KLHL1: variants seen among roughly 807,000 people sequenced by gnomAD.
KLHL1 encodes the protein kelch-like protein 1.
A neutral mutation model predicts 77.7 loss-of-function variants in KLHL1; 47 were observed. The observed-to-expected ratio is 0.60, with a 90% confidence interval of 0.48 to 0.77. The LOEUF (loss-of-function observed/expected upper bound fraction) is 0.77. Among genes scored for constraint, KLHL1 ranks in the 30% least tolerant of loss-of-function variants. The probability of loss-of-function intolerance (pLI) is 0.00; values close to 1 mark genes in which losing one functional copy is unlikely to be tolerated. For synonymous variants in KLHL1, 360 were observed against 325.2 expected (o/e 1.11, Z -1.15); for missense variants, 925 against 910.8 (o/e 1.02, Z -0.20).
chr13:69,754,254 G>C (rs918269760), intron 7 of KLHL1, among the ~76,000 whole-genome samples: 1 of 152,088 alleles, frequency 6.6e-6, no homozygotes, highest in East Asian at 1.9e-4. Context: ...AACTCTCTGA[G>C]AGTTGTAGTA....
chr13:70,034,221 C>T (rs1194865752), intron 1 of KLHL1, among the ~76,000 whole-genome samples: 2 of 152,176 alleles, frequency 1.3e-5, no homozygotes, highest in Non-Finnish European at 2.9e-5. Context: ...GTTATTATTG[C>T]TATCTCATTG....
At chr13:69,986,341 A>G (rs1294848573) in intron 1 of KLHL1, among the ~76,000 whole-genome samples, 1 of 152,050 alleles carries the variant, frequency 6.6e-6, no homozygotes, top group African/African-American at 2.4e-5. Flanking sequence ...GAATGTTCTC[A>G]TCACAAAGAA....
chr13:70,080,237 G>T (rs1887361803), intron 1 of KLHL1, among the ~76,000 whole-genome samples: 1 of 152,154 alleles, frequency 6.6e-6, no homozygotes, highest in Non-Finnish European at 1.5e-5. Flanking sequence ...TGAGGAGCAT[G>T]CCAACGTGGC....
intron 5 of KLHL1, among the ~76,000 whole-genome samples, chr13:69,842,016 G>C (rs975329805): frequency 1.3e-5 from 2 of 151,760 alleles, no homozygotes; most frequent in Admixed American, 6.6e-5. Context: ...ACTCCTATCT[G>C]TCACCATATA....
intron 6 of KLHL1, among the ~76,000 whole-genome samples, chr13:69,819,183 A>G (rs1414759307): frequency 6.6e-6 from 1 of 152,212 alleles, no homozygotes; most frequent in East Asian, 1.9e-4. Context: ...TTGCCTTGCA[A>G]CAATACAGAT....
chr13:70,103,580 G>A (rs1440478362), intron 1 of KLHL1, among the ~76,000 whole-genome samples: 2 of 152,132 alleles, frequency 1.3e-5, no homozygotes, highest in Non-Finnish European at 2.9e-5. Flanking sequence ...AAAGAAGATC[G>A]TAGCTTAGAT....
At chr13:70,012,536 A>G (rs370706923) in intron 1 of KLHL1, among the ~76,000 whole-genome samples, 54 of 151,814 alleles carry the variant, frequency 3.6e-4, no homozygotes, top group African/African-American at 1.3e-3. Flanking sequence ...GGGGAGGGGG[A>G]CTTGAAGATG....
At chr13:70,049,424 G>A (rs1470181) in intron 1 of KLHL1, among the ~76,000 whole-genome samples, 101,395 of 151,992 alleles carry the variant, frequency 0.67, 34,253 homozygotes, top group East Asian at 0.79. Flanking sequence ...TCTCACATGT[G>A]CTACCTGACG....
At chr13:69,852,378 G>A (rs1156808148) in intron 5 of KLHL1, among the ~76,000 whole-genome samples, 1 of 151,874 alleles carries the variant, frequency 6.6e-6, no homozygotes, top group Non-Finnish European at 1.5e-5. Context: ...GAAATACCTT[G>A]ACACAAATCT....
At chr13:69,793,899 C>CT (rs1327402835) in intron 7 of KLHL1, among the ~76,000 whole-genome samples, 4 of 152,014 alleles carry the variant, frequency 2.6e-5, no homozygotes, top group Non-Finnish European at 1.5e-5. Flanking sequence ...TTGATATGTT[C>CT]TTTTTTTACT....
chr13:70,082,352 C>T (rs1887416093), intron 1 of KLHL1, among the ~76,000 whole-genome samples: 1 of 147,832 alleles, frequency 6.8e-6, no homozygotes, highest in Non-Finnish European at 1.5e-5. Context: ...CACACACACA[C>T]ACACACACAC....
rs773978661 is a variant in KLHL1 at position 69,839,155 on chromosome 13, G to A, written c.1235C>T (p.Ala412Val). The change falls in exon 6 of 11, where the codon GCT becomes GTT. Residue 412 changes from alanine (A) to valine (V), a missense_variant. Coordinates refer to ENST00000377844, the MANE Select transcript of KLHL1 (RefSeq NM_020866.3). ...AAATAATGCATGATTTTCTAGGTCA[G>A]CCAATATCTGTGAATAATACACAAT... ...RLPLLPPQIL[A>V]DLENHALFKN... 6.3e-7 allele frequency: 1 copy of A among 1,592,508 alleles called. No homozygotes were observed. The highest frequency in any genetic ancestry group is 8.6e-7 in the Non-Finnish European group (1 of 1,166,520).
chr13:69,925,756 T>A (rs1024577597), intron 4 of KLHL1, among the ~76,000 whole-genome samples: 2 of 152,216 alleles, frequency 1.3e-5, no homozygotes, highest in Non-Finnish European at 2.9e-5. Flanking sequence ...ACATTATTTT[T>A]TGTAGTGACT....
intron 5 of KLHL1, among the ~76,000 whole-genome samples, chr13:69,878,709 TATAG>T (rs1187060834): frequency 0.011 from 1,679 of 149,726 alleles, 8 homozygotes; most frequent in Middle Eastern, 0.031. Context: ...TATATATATA[TATAG>T]AGAGAGAGAG....
At chr13:69,878,106 A>T (rs926005032) in intron 5 of KLHL1, among the ~76,000 whole-genome samples, 1 of 152,148 alleles carries the variant, frequency 6.6e-6, no homozygotes, top group Non-Finnish European at 1.5e-5. Flanking sequence ...TTTGTTGATG[A>T]AGTCTCTTTC....
At chr13:69,970,617 G>C (rs1218159449) in intron 2 of KLHL1, among the ~76,000 whole-genome samples, 1 of 151,946 alleles carries the variant, frequency 6.6e-6, no homozygotes, top group Non-Finnish European at 1.5e-5. Flanking sequence ...TCCTTCAACT[G>C]CCACCACCTC....
rs149229232 is a variant in KLHL1, at chr13:70,010,693, C to A, written c.498-34891G>T. Among the ~76,000 whole-genome samples the A allele has an allele frequency of 3.6e-3, 542 of 151,954 alleles. 5 individuals carry two copies. Among genetic ancestry groups the A allele is most frequent in the African/African-American group, 0.013 (524 of 41,416 alleles). ...ATCACCTGAGGTCAGGAGTTTGAGA[C>A]CAGCCTGGCCAATATGGTGAAACCC... is the stretch of plus-strand genomic sequence containing the variant. On this transcript the variant is annotated intron_variant, in intron 1 of 10. Transcript: ENST00000377844.
chr13:69,704,089 G>C (rs1052973474), intron 10 of KLHL1, among the ~76,000 whole-genome samples: 2 of 151,622 alleles, frequency 1.3e-5, no homozygotes, highest in Non-Finnish European at 3.0e-5. Flanking sequence ...ACTACATATA[G>C]AGTGAGTAGC....
intron 5 of KLHL1, among the ~76,000 whole-genome samples, chr13:69,880,298 G>A (rs1025332958): frequency 5.3e-5 from 8 of 152,162 alleles, no homozygotes; most frequent in African/African-American, 1.9e-4. Flanking sequence ...ATTAACGTTA[G>A]TTGTAGAAGT....
Sources: gnomAD v4.1 joint callset for allele counts (sites outside exome capture counted in the v4.1 genomes callset) on GRCh38, gnomAD v4.1.1 for gene constraint, MANE v1.5 for transcripts, NCBI Gene and HGNC (gene_info 2026-07-23, HGNC 2026-07-21) for gene names.